ZNF705A: variants seen among roughly 807,000 people sequenced by gnomAD.
The protein encoded by ZNF705A is zinc finger protein 705A.
In ZNF705A, 8 loss-of-function variants were observed where a neutral mutation model predicts 16.6. That is an observed-to-expected ratio of 0.48 (90% CI 0.28 to 0.87). ZNF705A has a LOEUF of 0.87. Among genes scored for constraint, ZNF705A ranks in the 40% least tolerant of loss-of-function variants. ZNF705A has a pLI of 0.10. For missense variants in ZNF705A, 233 were observed against 359.9 expected (o/e 0.65, Z 2.85); for synonymous variants, 73 against 117.3 (o/e 0.62, Z 2.44).
chr12:8,169,254 TA>T (rs1948424830), upstream of ZNF705A, among the ~76,000 whole-genome samples: 1 of 152,200 alleles, frequency 6.6e-6, no homozygotes, highest in African/African-American at 2.4e-5. Context: ...CTTTCACACA[TA>T]AAACCTTAGA....
intron 1 of ZNF705A, among the ~76,000 whole-genome samples, chr12:8,173,181 G>C (rs1172235185): frequency 3.3e-5 from 5 of 152,250 alleles, no homozygotes; most frequent in Admixed American, 6.5e-5. Flanking sequence ...TGAGGGAAAA[G>C]AAGAGTTTGA....
upstream of ZNF705A, chr12:8,172,428 G>T: frequency 1.3e-6 from 1 of 789,204 alleles, no homozygotes; most frequent in Admixed American, 2.1e-5. Flanking sequence ...GCCTCTGCGT[G>T]TTTGTGTCTG....
In ZNF705A at chr12:8,175,129, C is replaced by T. The variant is rs2120729887; in HGVS notation, c.140-99C>T. ...AGGTCTTGTGGCCTGAGCTGACCTTCACTGTTTTTATTCTTCCTTGATAGC... is the reference window on the plus strand; with the variant it reads ...AGGTCTTGTGGCCTGAGCTGACCTTTACTGTTTTTATTCTTCCTTGATAGC... On this transcript the variant is annotated intron_variant, in intron 2 of 4. Transcript: ENST00000359286. 8 of 786,584 alleles carry T rather than the reference C, an allele frequency of 1.0e-5. No individual in the cohort carries two copies. In the South Asian group the frequency reaches 1.2e-4, roughly 11 times the overall value. 48.7% of individuals were successfully genotyped at this position (786,584 alleles called of 1,614,324 possible). A position where few individuals can be genotyped will look rare whatever the true frequency, so the allele number is the denominator to read the frequency against.
chr12:8,160,923 T>C (rs1410008670), intron 1 of ZNF705A, among the ~76,000 whole-genome samples: 2 of 152,172 alleles, frequency 1.3e-5, no homozygotes, highest in Non-Finnish European at 2.9e-5. Context: ...AGGGAATGCT[T>C]TCAAGTTTTC....
chr12:8,170,190 C>G (rs1454823407), upstream of ZNF705A, among the ~76,000 whole-genome samples: 18 of 125,926 alleles, frequency 1.4e-4, no homozygotes, highest in South Asian at 2.7e-3. Context: ...ACTCTCCCCC[C>G]CCCCCCAAAA....
intron 1 of ZNF705A, among the ~76,000 whole-genome samples, chr12:8,159,000 T>C (rs145527184): frequency 6.6e-6 from 1 of 152,238 alleles, no homozygotes; most frequent in East Asian, 1.9e-4. Flanking sequence ...AAGTCCATTG[T>C]ATCATTCTTA....
chr12:8,174,263 C>T (rs1948467124), intron 1 of ZNF705A, 63 bp from the exon 3 acceptor site: 1 of 1,595,946 alleles, frequency 6.3e-7, no homozygotes, highest in South Asian at 1.1e-5. Context: ...TCATCTCAGC[C>T]TTCCTCTTCC....
chr12:8,175,812 T>C (rs1352692746), intron 3 of ZNF705A, 48 bp from the exon 5 acceptor site: 2 of 1,607,742 alleles, frequency 1.2e-6, no homozygotes, highest in African/African-American at 2.7e-5. Flanking sequence ...TTCAAACAAT[T>C]TTATTACCAT....
intron 1 of ZNF705A, among the ~76,000 whole-genome samples, chr12:8,173,827 G>A (rs1948463771): frequency 1.3e-5 from 2 of 152,144 alleles, no homozygotes; most frequent in South Asian, 2.1e-4. Flanking sequence ...TTTTCTATTA[G>A]TCCATTAGAT....
upstream of ZNF705A, among the ~76,000 whole-genome samples, chr12:8,168,214 G>A (rs1948415905): frequency 6.6e-6 from 1 of 152,188 alleles, no homozygotes; most frequent in Non-Finnish European, 1.5e-5. Flanking sequence ...GATGTTAACA[G>A]GTGTAGACCA....
chr12:8,171,557 C>A (rs781087283), upstream of ZNF705A, among the ~76,000 whole-genome samples: 3 of 152,160 alleles, frequency 2.0e-5, no homozygotes, highest in Non-Finnish European at 4.4e-5. Context: ...CCCACCCCTA[C>A]GTCATTTTGT....
intron 1 of ZNF705A, among the ~76,000 whole-genome samples, chr12:8,160,222 T>C (rs1466224606): frequency 6.6e-6 from 1 of 152,194 alleles, no homozygotes; most frequent in Non-Finnish European, 1.5e-5. Context: ...TTTTGGTGAC[T>C]ATGACCTTAT....
intron 1 of ZNF705A, among the ~76,000 whole-genome samples, chr12:8,162,765 T>C (rs1006123082): frequency 1.3e-5 from 2 of 152,226 alleles, no homozygotes; most frequent in Non-Finnish European, 2.9e-5. Flanking sequence ...ACGTGAGAGA[T>C]ACTGTCACAG....
chr12:8,168,452 A>C (rs12309161), upstream of ZNF705A, among the ~76,000 whole-genome samples: 2,976 of 152,270 alleles, frequency 0.02, 104 homozygotes, highest in African/African-American at 0.069. Context: ...GTTACTTGAC[A>C]TTCTCATATT....
rs756228417 is a variant in ZNF705A, at chr12:8,177,098, G to T, written c.418G>T (p.Gly140Ter). The T allele has an allele frequency of 2.0e-5, 32 of 1,611,902 alleles. No homozygotes were observed. The African/African-American group carries it at 3.9e-4, about 19-fold the overall frequency. ...AACTCAGCGTTTGTTAACTCACAGT[G>T]GAAAGAAACCCTATGTCAGCAAACA... Residue 140 changes from glycine to a stop codon, truncating the protein, a stop_gained, in exon 5 of 5, where the codon GGA becomes TGA. Transcript: ENST00000359286. LOFTEE classifies it low-confidence loss of function (END_TRUNC).
chr12:8,165,070 C>G (rs1011075695), intron 1 of ZNF705A, among the ~76,000 whole-genome samples: 1 of 152,172 alleles, frequency 6.6e-6, no homozygotes, highest in South Asian at 2.1e-4. Flanking sequence ...GTATATCCAC[C>G]ACAAGTATAC....
intron 1 of ZNF705A, among the ~76,000 whole-genome samples, chr12:8,160,677 AT>A (rs1948347270): frequency 6.6e-6 from 1 of 150,856 alleles, no homozygotes. Flanking sequence ...CCTTAATCTT[AT>A]ATCTAGAAGC....
chr12:8,157,067 A>G (rs909430994), exon 1 of ZNF705A: 1 of 397,946 alleles, frequency 2.5e-6, no homozygotes. Context: ...TTCCTGATCT[A>G]CTTTGAAATG....
exon 5 of ZNF705A, chr12:8,177,376 A>G (rs754128004): frequency 8.7e-6 from 14 of 1,611,902 alleles, no homozygotes; most frequent in Non-Finnish European, 1.2e-5. Context: ...AGTGTCATCA[A>G]TGTGGGAAAG....
Sources: allele counts gnomAD v4.1 joint callset (sites outside exome capture counted in the v4.1 genomes callset), GRCh38; gene constraint gnomAD v4.1.1; transcripts MANE v1.5; gene names NCBI Gene and HGNC (gene_info 2026-07-23, HGNC 2026-07-21).